The following DNAH9 variants were observed in gnomAD, a reference collection of about 807,000 sequenced individuals.
The protein encoded by DNAH9 is DNAH9 variant protein.
A neutral mutation model predicts 471.6 loss-of-function variants in DNAH9; 345 were observed. The observed-to-expected ratio is 0.73, with a 90% CI of 0.67 to 0.80. The LOEUF is 0.80. Ranked by LOEUF, DNAH9 falls within the 30% of genes least tolerant of loss-of-function variation. DNAH9 has a pLI of 0.00. For synonymous variants in DNAH9, 2,093 were observed against 2,123.6 expected, an observed-to-expected ratio of 0.99 and a Z score of 0.40; for missense variants, 5,407 against 5,609.2, an observed-to-expected ratio of 0.96 and a Z score of 1.15.
At chr17:11,628,612 C>T (rs138916679) in intron 6 of DNAH9, among the ~76,000 whole-genome samples, 1 of 152,192 alleles carries the variant, frequency 6.6e-6, no homozygotes, top group Non-Finnish European at 1.5e-5. Flanking sequence ...GCTTGGCAGA[C>T]AAGTTGCAAA....
intron 62 of DNAH9, among the ~76,000 whole-genome samples, chr17:11,928,085 A>C (rs576690675): frequency 7.3e-5 from 11 of 150,418 alleles, no homozygotes; most frequent in African/African-American, 2.4e-4. Flanking sequence ...TACAGTATAC[A>C]AAATCCTTTA....
Position 11,730,921 on chromosome 17 carries a change from ATGG to A in DNAH9, c.5814+3011_5814+3013del, listed in dbSNP as rs1158899248. Among the ~76,000 whole-genome samples, 170 of 135,014 alleles carry A rather than the reference ATGG, an allele frequency of 1.3e-3. 1 individual carries two copies. Among genetic ancestry groups the A allele is most frequent in the East Asian group, 6.4e-3 (27 of 4,248 alleles). The allele number at this position is 135,014 out of a possible 152,430, so 88.6% of individuals were successfully genotyped here. A position where few individuals can be genotyped will look rare whatever the true frequency, so the allele number is the denominator to read the frequency against. Reference sequence around the variant, plus strand: ...GATAATGGTGATGGTGGTAATGATGATGGTGGTGGTGGTGATGACGGTGATGAT... The same window carrying A: ...GATAATGGTGATGGTGGTAATGATGATGGTGGTGGTGATGACGGTGATGAT... On this transcript the variant is annotated intron_variant, in intron 28 of 68. Transcript: ENST00000262442.
rs780836548 is a variant in DNAH9, at chr17:11,694,358, G to T, written c.4783G>T (p.Asp1595Tyr). The T allele has an allele frequency of 7.4e-6, 12 of 1,613,730 alleles. No individual in the cohort carries two copies. The East Asian group carries it at 2.7e-4, about 36-fold the overall frequency. ...LCEKALAEYL[D>Y]TKRLAFPRFY... ...TGAGAAGGCCCTGGCAGAGTACCTC[G>T]ACACCAAGAGGCTTGCCTTCCCGCG... The change falls in exon 22 of 69, where the codon GAC becomes TAC. Residue 1595 changes from aspartate (D) to tyrosine (Y), a missense_variant. This residue lies in a region of DNAH9 where 4,636 missense variants were observed against 4,900.3 expected (regional missense o/e 0.95). Transcript: ENST00000262442.
rs768340720 is a variant in DNAH9 at position 11,891,880 on chromosome 17, A to C, written c.11216A>C (p.Tyr3739Ser). 2.5e-6 allele frequency: 4 copies of C among 1,614,108 alleles called. No homozygotes were observed. In the South Asian group the frequency reaches 4.4e-5, roughly 18 times the overall value. ...ATAGACAGCATAACCTTCTCTGTGTACCAGTACACCATCCGCGGGCTCTTT... is the reference window on the plus strand; with the variant it reads ...ATAGACAGCATAACCTTCTCTGTGTCCCAGTACACCATCCGCGGGCTCTTT... ...NLIDSITFSV[Y>S]QYTIRGLFEC... Residue 3739 changes from tyrosine to serine, a missense_variant, in exon 58 of 69, where the codon TAC becomes TCC. Tyr to Ser is a moderately radical substitution (Grantham distance 144). This residue lies in a region of DNAH9 where 4,636 missense variants were observed against 4,900.3 expected (regional missense o/e 0.95). Coordinates refer to ENST00000262442, the MANE Select transcript of DNAH9 (RefSeq NM_001372.4).
intron 68 of DNAH9, among the ~76,000 whole-genome samples, chr17:11,967,492 A>G (rs552305917): frequency 2.3e-3 from 346 of 152,342 alleles, no homozygotes; most frequent in Non-Finnish European, 4.1e-3. Flanking sequence ...ACACTAGCGT[A>G]TATCTGGTAA....
In DNAH9 at chr17:11,598,842, G is replaced by T; in HGVS notation, c.344G>T (p.Ser115Ile). Residue 115 changes from serine (S) to isoleucine (I), a missense_variant, in exon 1 of 69, where the codon AGC (serine) becomes ATC (isoleucine). Physicochemically the swap from Ser to Ile is moderately radical, Grantham distance 142 (BLOSUM62 -2). This residue lies in a region of DNAH9 where 767 missense variants were observed against 692.5 expected (regional missense o/e 1.11). Coordinates refer to ENST00000262442, the MANE Select transcript of DNAH9 (RefSeq NM_001372.4). ...RTGPEPPGPD[S>I]FRGAVVCGDL... ...GGGCCCGAGCCTCCAGGGCCCGACA[G>T]CTTCCGCGGCGCAGTGGTCTGCGGG... is the stretch of plus-strand genomic sequence containing the variant. The T allele has an allele frequency of 6.6e-7, 1 of 1,522,236 alleles. No individual in the cohort carries two copies. Among genetic ancestry groups the T allele is most frequent in the Non-Finnish European group, 8.8e-7 (1 of 1,140,028 alleles). 94.3% of individuals were successfully genotyped at this position (1,522,236 alleles called of 1,614,324 possible). A position where few individuals can be genotyped will look rare whatever the true frequency, so the allele number is the denominator to read the frequency against.
At chr17:11,756,037 G>A (rs552054676) in intron 33 of DNAH9, among the ~76,000 whole-genome samples, 5 of 152,234 alleles carry the variant, frequency 3.3e-5, no homozygotes, top group African/African-American at 1.2e-4. Context: ...AGCACTTTGG[G>A]AAGCTGAGGT....
In DNAH9 at chr17:11,875,167, G is replaced by C; in HGVS notation, c.10461G>C (p.Thr3487=). Residue 3487 remains threonine, a synonymous_variant, in exon 53 of 69, where the codon ACG becomes ACC. Transcript: ENST00000262442. The part of the protein sequence containing the change: ...KNKYGEDLRV[T]QIGQKGYLQI... Reference sequence around the variant, plus strand: ...AATATGGTGAAGATCTCCGGGTCACGCAGATTGGTCAGAAAGGGTAAGTGG... The same window carrying C: ...AATATGGTGAAGATCTCCGGGTCACCCAGATTGGTCAGAAAGGGTAAGTGG... 6.2e-7 allele frequency: 1 copy of C among 1,611,800 alleles called. No individual in the cohort carries two copies. The highest frequency in any genetic ancestry group is 1.7e-5 in the Admixed American group (1 of 59,782).
chr17:11,875,362 T>G (rs757564263), intron 53 of DNAH9, among the ~76,000 whole-genome samples, 178 bp downstream of exon 53: 4 of 152,100 alleles, frequency 2.6e-5, no homozygotes, highest in Admixed American at 6.5e-5. Flanking sequence ...GGGTACTAAG[T>G]CTTTGCTTTT....
At chr17:11,680,313 A>G (rs74932502) in intron 18 of DNAH9, among the ~76,000 whole-genome samples, 6,111 of 152,310 alleles carry the variant, frequency 0.04, 212 homozygotes, top group Non-Finnish European at 0.06. Flanking sequence ...AAAGAAAATA[A>G]CCAAGCAACC....
At chr17:11,674,598 G>A (rs1222673540) in intron 17 of DNAH9, among the ~76,000 whole-genome samples, 1 of 151,600 alleles carries the variant, frequency 6.6e-6, no homozygotes, top group Admixed American at 6.6e-5. Context: ...CTAGTCCTTT[G>A]CTATTGTATG....
chr17:11,885,461 A>G (rs960050864), intron 56 of DNAH9, among the ~76,000 whole-genome samples: 2 of 152,200 alleles, frequency 1.3e-5, no homozygotes, highest in Non-Finnish European at 2.9e-5. Context: ...CCTCTTTCAC[A>G]TATTTTCCAT....
At chr17:11,843,890 T>TATACAC (rs1389217941) in intron 49 of DNAH9, among the ~76,000 whole-genome samples, 3 of 127,230 alleles carry the variant, frequency 2.4e-5, no homozygotes, top group African/African-American at 9.3e-5. Flanking sequence ...TATATATATA[T>TATACAC]ACACATAGAG....
At chr17:11,689,520 G>A in intron 19 of DNAH9, 46 bp from the exon 20 acceptor site, 1 of 1,527,772 alleles carries the variant, frequency 6.5e-7, no homozygotes, top group East Asian at 2.3e-5. Flanking sequence ...CTAGGAGATG[G>A]GCCCCTGCGT....
intron 11 of DNAH9, among the ~76,000 whole-genome samples, chr17:11,644,967 G>A (rs900384054): frequency 6.6e-6 from 1 of 152,214 alleles, no homozygotes; most frequent in African/African-American, 2.4e-5. Context: ...TGCTACTCAT[G>A]GAACTCCGAG....
Position 11,637,668 on chromosome 17 carries a change from G to C in DNAH9, c.1786+884G>C, listed in dbSNP as rs138375042. 7.2e-4 allele frequency among the ~76,000 whole-genome samples: 110 copies of C among 152,262 alleles called. 1 individual carries two copies. In the East Asian group the frequency reaches 0.021, roughly 29 times the overall value. ...AGTCGCACAGCGCTTTGCACATAGTGGGTGCTCAATAAGTCGTTATTGGAC... is the reference window on the plus strand; with the variant it reads ...AGTCGCACAGCGCTTTGCACATAGTCGGTGCTCAATAAGTCGTTATTGGAC... On this transcript the variant is annotated intron_variant, in intron 9 of 68. Transcript: ENST00000262442.
intron 9 of DNAH9, among the ~76,000 whole-genome samples, chr17:11,637,108 C>T (rs1451513191): frequency 1.3e-5 from 2 of 152,096 alleles, no homozygotes; most frequent in African/African-American, 4.8e-5. Context: ...TTCAACACGC[C>T]TCCATTCGAA....
intron 11 of DNAH9, among the ~76,000 whole-genome samples, chr17:11,646,319 A>G (rs2073389751): frequency 6.6e-6 from 1 of 151,984 alleles, no homozygotes; most frequent in South Asian, 2.1e-4. Flanking sequence ...TTAGGATTGC[A>G]GTTGCTGCAC....
intron 31 of DNAH9, 51 bp from the exon 32 acceptor site, chr17:11,747,505 T>C (rs1482277422): frequency 6.8e-7 from 1 of 1,460,794 alleles, no homozygotes; most frequent in Non-Finnish European, 9.6e-7. Flanking sequence ...GCAGTTGGGA[T>C]GCAGGTGAGT....
Sources: gnomAD v4.1 joint callset for allele counts (sites outside exome capture counted in the v4.1 genomes callset) on GRCh38, gnomAD v4.1.1 for gene constraint, gnomAD v4.1.1 regional missense constraint, MANE v1.5 for transcripts, NCBI Gene and HGNC (gene_info 2026-07-23, HGNC 2026-07-21) for gene names.